TJP3: variants seen among roughly 807,000 people sequenced by gnomAD.
The protein encoded by TJP3 is tight junction protein ZO-3.
TJP3 carries 85 observed loss-of-function variants against 104.2 expected under a neutral mutation model. The ratio of observed to expected loss-of-function variants is 0.82; its 90% CI spans 0.68 to 0.98. The LOEUF (loss-of-function observed/expected upper bound fraction) is 0.98, where lower values mean the gene tolerates loss of function less well. Ranked by LOEUF, TJP3 falls within the 50% of genes least tolerant of loss-of-function variation. The pLI is 0.00. For synonymous variants in TJP3, 550 were observed against 550.6 expected, an observed-to-expected ratio of 1.00 and a Z score of 0.02; for missense variants, 1,367 against 1,322.8, an observed-to-expected ratio of 1.03 and a Z score of -0.52.
At chr19:3,714,678 C>T (rs2036461251) in intron 1 of TJP3, among the ~76,000 whole-genome samples, 1 of 151,948 alleles carries the variant, frequency 6.6e-6, no homozygotes, top group African/African-American at 2.4e-5. Flanking sequence ...GAGGCCAAGG[C>T]GGGCGGATCA....
chr19:3,730,223 ATCT>A lies in TJP3; in HGVS notation c.261+97_261+99del, dbSNP rs2036650868. On this transcript the variant is annotated intron_variant, in intron 4 of 20. Coordinates refer to ENST00000541714, the MANE Select transcript of TJP3 (RefSeq NM_001267560.2). The surrounding 1 kb of genome is among the most constrained non-coding windows in gnomAD (Gnocchi z 7.3). ...TGTAAGCTTCTGAGAGCAAGGAGTC[ATCT>A]TCTCATCTTACAGTTTGGACATTGA... The A allele has an allele frequency of 1.3e-6, 2 of 1,517,722 alleles. No homozygotes were observed. The highest frequency in any genetic ancestry group is 1.1e-5 in the South Asian group (1 of 88,172). 94.0% of individuals were successfully genotyped at this position (1,517,722 alleles called of 1,614,324 possible).
intron 12 of TJP3, 37 bp downstream of exon 12, chr19:3,738,700 C>CG: frequency 1.3e-6 from 2 of 1,571,236 alleles, no homozygotes; most frequent in Non-Finnish European, 8.7e-7. Flanking sequence ...CTGTGTGTTG[C>CG]GGGGGGAGGA....
intron 13 of TJP3, 78 bp from the exon 14 acceptor site, chr19:3,740,474 G>C (rs904584843): frequency 1.0e-6 from 1 of 959,062 alleles, no homozygotes; most frequent in East Asian, 3.1e-5. Context: ...CACAGGCTCC[G>C]AGGGGTAGGA....
chr19:3,748,389 A>C (rs1403232568), intron 19 of TJP3, among the ~76,000 whole-genome samples: 1 of 148,152 alleles, frequency 6.7e-6, no homozygotes, highest in Non-Finnish European at 1.5e-5. Flanking sequence ...CTCCTGCCTC[A>C]GCCTCCTGAG....
chr19:3,739,055 C>A lies in TJP3; in HGVS notation c.1552C>A (p.Arg518=). 6.2e-7 allele frequency: 1 copy of A among 1,609,288 alleles called. No homozygotes were observed. The highest frequency in any genetic ancestry group is 8.5e-7 in the Non-Finnish European group (1 of 1,177,562). The change falls in exon 13 of 21, where the codon CGA becomes AGA. Residue 518 remains arginine (R), a synonymous_variant. Transcript: ENST00000541714. The part of the protein sequence containing the change: ...LHPGPGQSHA[R]GGHWLAVRMG... ...CCCCGGCCCCGGGCAGAGCCACGCA[C>A]GAGGAGGCCACTGGCTGGCGGTGCG...
intron 6 of TJP3, 128 bp downstream of exon 6, chr19:3,732,166 G>T: frequency 1.4e-6 from 1 of 693,146 alleles, no homozygotes; most frequent in Non-Finnish European, 2.3e-6. Context: ...GTTGTTGCTT[G>T]TATCTCAAAG....
chr19:3,712,587 G>T (rs916469583), intron 1 of TJP3, among the ~76,000 whole-genome samples: 1 of 152,126 alleles, frequency 6.6e-6, no homozygotes, highest in African/African-American at 2.4e-5. Flanking sequence ...GAATTCACAT[G>T]GGCTCTGCTT....
Position 3,735,547 on chromosome 19 carries a change from C to T in TJP3, c.987-19C>T. ...CTTGAAATCCATCCCTGCCTCACTC[C>T]CAATCTGTTCCCCACCAGGGAGAGT... On this transcript the variant is annotated intron_variant, in intron 8 of 20. Transcript: ENST00000541714. The T allele has an allele frequency of 6.2e-7, 1 of 1,613,898 alleles. No individual in the cohort carries two copies. The highest frequency in any genetic ancestry group is 8.5e-7 in the Non-Finnish European group (1 of 1,179,814).
Position 3,735,898 on chromosome 19 carries a change from T to G in TJP3, c.1090T>G (p.Tyr364Asp), listed in dbSNP as rs2036732360. 6.2e-7 allele frequency: 1 copy of G among 1,614,000 alleles called. No homozygotes were observed. The highest frequency in any genetic ancestry group is 1.3e-5 in the African/African-American group (1 of 74,912). Reference sequence around the variant, plus strand: ...GCCCAGGGAAAGCAGCTATGACATCTACAGAGTGCCCAGCAGTCAGAGCAT... The same window carrying G: ...GCCCAGGGAAAGCAGCTATGACATCGACAGAGTGCCCAGCAGTCAGAGCAT... ...ELPRESSYDI[Y>D]RVPSSQSMED... The change falls in exon 10 of 21, where the codon TAC becomes GAC. Residue 364 changes from tyrosine (Y) to aspartate (D), a missense_variant. Coordinates refer to ENST00000541714, the MANE Select transcript of TJP3 (RefSeq NM_001267560.2).
chr19:3,736,146 T>G lies in TJP3; in HGVS notation c.1128-19T>G. 2 of 1,572,498 alleles carry G rather than the reference T, an allele frequency of 1.3e-6. No individual in the cohort carries two copies. Among genetic ancestry groups the G allele is most frequent in the Non-Finnish European group, 1.7e-6 (2 of 1,159,200 alleles). ...GTCCGCCCACTCTGCTCTGACCCCATCTCTGCCTCCCCTTGCAGGTACAGC... is the reference window on the plus strand; with the variant it reads ...GTCCGCCCACTCTGCTCTGACCCCAGCTCTGCCTCCCCTTGCAGGTACAGC... On this transcript the variant is annotated intron_variant, in intron 10 of 20. Transcript: ENST00000541714.
rs761162738 is a variant in TJP3, at chr19:3,730,567, C to A, written c.474C>A (p.Gly158=). ...GGCCTGGTCGCCGGGGCCGGGCCGG[C>A]AGCCATGGGCGTAGGAGCCCAGGTG... is the stretch of plus-strand genomic sequence containing the variant. ...RPRPGRRGRA[G]SHGRRSPGGG... The change falls in exon 5 of 21, where the codon GGC becomes GGA. Residue 158 remains glycine (G), a synonymous_variant. Coordinates refer to ENST00000541714, the MANE Select transcript of TJP3 (RefSeq NM_001267560.2). This position sits in a 1 kb window ranked among gnomAD's most constrained non-coding sequence, Gnocchi z 7.3. 1 of 1,606,922 alleles carries A rather than the reference C, an allele frequency of 6.2e-7. No homozygotes were observed. The highest frequency in any genetic ancestry group is 1.1e-5 in the South Asian group (1 of 90,952).
intron 14 of TJP3, 127 bp from the exon 15 acceptor site, chr19:3,743,812 C>CT: frequency 1.3e-6 from 1 of 788,718 alleles, no homozygotes; most frequent in East Asian, 2.6e-5. Flanking sequence ...TAGTATTTGG[C>CT]TGGGTAGCTA....
chr19:3,739,848 C>A (rs1445938863), intron 13 of TJP3, among the ~76,000 whole-genome samples: 1 of 152,112 alleles, frequency 6.6e-6, no homozygotes, highest in Non-Finnish European at 1.5e-5. Context: ...CTCTGACTCT[C>A]ACCCTCCCGC....
At chr19:3,728,288 AGAGAGGTAGTAACTT>A in intron 1 of TJP3, 121 bp from the exon 2 acceptor site, 2 of 1,361,932 alleles carry the variant, frequency 1.5e-6, no homozygotes, top group Non-Finnish European at 2.0e-6. Context: ...TGAGGCCCTG[AGAGAGGTAGTAACTT>A]GTCACAGGCT....
chr19:3,743,496 C>T (rs561403765), intron 14 of TJP3, among the ~76,000 whole-genome samples: 20 of 152,192 alleles, frequency 1.3e-4, no homozygotes, highest in African/African-American at 4.6e-4. Flanking sequence ...CAGCTCTGCT[C>T]AAAGGTAGCC....
At chr19:3,727,772 C>G (rs78762423) in intron 1 of TJP3, among the ~76,000 whole-genome samples, 16,176 of 152,062 alleles carry the variant, frequency 0.11, 1,777 homozygotes, top group African/African-American at 0.28. Context: ...TGGTGGGCAC[C>G]TGTAGGTGCC....
intron 1 of TJP3, among the ~76,000 whole-genome samples, chr19:3,727,869 G>C (rs376972595): frequency 6.6e-6 from 1 of 151,942 alleles, no homozygotes; most frequent in Non-Finnish European, 1.5e-5. Flanking sequence ...TTGAACTTGG[G>C]AGGCAGAGAC....
At chr19:3,741,963 T>C (rs1291711038) in intron 14 of TJP3, among the ~76,000 whole-genome samples, 1 of 151,238 alleles carries the variant, frequency 6.6e-6, no homozygotes, top group Non-Finnish European at 1.5e-5. Flanking sequence ...AGAGCAAAAC[T>C]CCGTCTCAAA....
In TJP3 at chr19:3,730,401, G is replaced by A. The variant is rs1214455027; in HGVS notation, c.308G>A (p.Ser103Asn). ...RRIHLPATKA[S>N]PSSPGRQDSD... Reference sequence around the variant, plus strand: ...ATCCACCTGCCCGCCACCAAAGCCAGCCCCTCCAGCCCAGGGCGCCAGGAC... The same window carrying A: ...ATCCACCTGCCCGCCACCAAAGCCAACCCCTCCAGCCCAGGGCGCCAGGAC... Residue 103 changes from serine to asparagine, a missense_variant, in exon 5 of 21, where the codon AGC becomes AAC. Transcript: ENST00000541714. This position sits in a 1 kb window ranked among gnomAD's most constrained non-coding sequence, Gnocchi z 7.3. The A allele has an allele frequency of 6.4e-7, 1 of 1,567,254 alleles. No homozygotes were observed. The highest frequency in any genetic ancestry group is 8.6e-7 in the Non-Finnish European group (1 of 1,159,100).
Sources: gnomAD v4.1 joint callset for allele counts (sites outside exome capture counted in the v4.1 genomes callset) on GRCh38, gnomAD v4.1.1 for gene constraint, Gnocchi (gnomAD v3.1) non-coding constraint, MANE v1.5 for transcripts, NCBI Gene and HGNC (gene_info 2026-07-23, HGNC 2026-07-21) for gene names.